COL20A1: variants seen among roughly 807,000 people sequenced by gnomAD.
COL20A1 encodes collagen alpha-1(XX) chain.
In COL20A1, 164 loss-of-function variants were observed where a neutral mutation model predicts 152.9. The ratio of observed to expected loss-of-function variants is 1.07; its 90% confidence interval spans 0.94 to 1.22. The LOEUF is 1.22. Ranked by LOEUF, COL20A1 falls within the 50% of genes most tolerant of loss-of-function variation. COL20A1 has a pLI of 0.00. For synonymous variants in COL20A1, 864 were observed against 756.0 expected, an observed-to-expected ratio of 1.14 and a Z score of -2.34; for missense variants, 1,873 against 1,744.8, an observed-to-expected ratio of 1.07 and a Z score of -1.31.
chr20:63,319,658 C>T lies in COL20A1; in HGVS notation c.2916+62C>T. 8.4e-7 allele frequency: 1 copy of T among 1,195,698 alleles called. No individual in the cohort carries two copies. The allele number at this position is 1,195,698 out of a possible 1,614,324, so 74.1% of individuals were successfully genotyped here. ...CCAGCTCTGGGGCAGCCCAGCCCCA[C>T]AGGGACCTGCCGGATGCCAACTCCT... On this transcript the variant is annotated intron_variant, in intron 23 of 35. Transcript: ENST00000358894. The surrounding 1 kb of genome is among the most constrained non-coding windows in gnomAD (Gnocchi z 4.4).
chr20:63,306,697 G>A lies in COL20A1; in HGVS notation c.496+658G>A, dbSNP rs766758956. On this transcript the variant is annotated intron_variant, in intron 5 of 35. Coordinates refer to ENST00000358894, the MANE Select transcript of COL20A1 (RefSeq NM_020882.4). The surrounding 1 kb of genome is among the most constrained non-coding windows in gnomAD (Gnocchi z 6.9). ...CACTGTGTCTGCCCATAAGGCCCCC[G>A]TAGGCAGGGCTGGGCTTCCCCATAG... 3.3e-5 allele frequency among the ~76,000 whole-genome samples: 5 copies of A among 152,204 alleles called. No individual in the cohort carries two copies. Among genetic ancestry groups the A allele is most frequent in the African/African-American group, 7.2e-5 (3 of 41,462 alleles).
Position 63,331,448 on chromosome 20 carries a change from GC to G in COL20A1, c.*736del. ...ATTGCTTTGAGACTTGGCACCATCAGCCCCTGGTCCTTAGGGTCTCAGAGCA... is the reference window on the plus strand; with the variant it reads ...ATTGCTTTGAGACTTGGCACCATCAGCCCTGGTCCTTAGGGTCTCAGAGCA... On this transcript the variant is annotated 3_prime_UTR_variant, in exon 36 of 36. Coordinates refer to ENST00000358894, the MANE Select transcript of COL20A1 (RefSeq NM_020882.4). 6.6e-6 allele frequency: 1 copy of G among 152,478 alleles called. No individual in the cohort carries two copies. The highest frequency in any genetic ancestry group is 1.5e-5 in the Non-Finnish European group (1 of 68,112). 9.4% of individuals were successfully genotyped at this position (152,478 alleles called of 1,614,324 possible).
intron 3 of COL20A1, among the ~76,000 whole-genome samples, chr20:63,300,654 T>C (rs1271471004): frequency 6.6e-6 from 1 of 152,224 alleles, no homozygotes; most frequent in Non-Finnish European, 1.5e-5. Flanking sequence ...GGTTGGTCTG[T>C]CGTTGATTTT....
Position 63,297,930 on chromosome 20 carries a change from G to A in COL20A1, c.103G>A (p.Ala35Thr). ...QVQASGLLRL[A>T]VLPEDRLQMK... Reference sequence around the variant, plus strand: ...TGTAGCAAGCGGTCTCCTGAGGCTGGCTGTGCTGCCTGAGGACCGGCTGCA... The same window carrying A: ...TGTAGCAAGCGGTCTCCTGAGGCTGACTGTGCTGCCTGAGGACCGGCTGCA... The change falls in exon 3 of 36, where the codon GCT becomes ACT. Residue 35 changes from alanine (A) to threonine (T), a missense_variant. Transcript: ENST00000358894. 1 of 1,613,388 alleles carries A rather than the reference G, an allele frequency of 6.2e-7. No homozygotes were observed. Among genetic ancestry groups the A allele is most frequent in the Non-Finnish European group, 8.5e-7 (1 of 1,179,824 alleles).
chr20:63,318,116 C>T (rs537196404), intron 21 of COL20A1, among the ~76,000 whole-genome samples: 2 of 152,344 alleles, frequency 1.3e-5, no homozygotes, highest in Admixed American at 6.5e-5. Context: ...TGAGCAGGCA[C>T]TTCCCATGCC....
Position 63,308,547 on chromosome 20 carries a change from G to T in COL20A1, c.781G>T (p.Ala261Ser), listed in dbSNP as rs1438522072. The T allele has an allele frequency of 1.9e-6, 3 of 1,597,488 alleles. No homozygotes were observed. The highest frequency in any genetic ancestry group is 2.6e-6 in the Non-Finnish European group (3 of 1,172,586). Residue 261 changes from alanine (A) to serine (S), a missense_variant, in exon 8 of 36, where the codon GCC becomes TCC. Transcript: ENST00000358894. ...YKGGNTFTGL[A>S]LTHVLGQNLQ... Reference sequence around the variant, plus strand: ...TTATTCCTGCTGCTCCCAAGGCCTTGCCCTGACCCACGTGCTGGGGCAGAA... The same window carrying T: ...TTATTCCTGCTGCTCCCAAGGCCTTTCCCTGACCCACGTGCTGGGGCAGAA...
intron 30 of COL20A1, 124 bp from the exon 31 acceptor site, chr20:63,326,628 G>T (rs2068253654): frequency 6.6e-6 from 4 of 605,788 alleles, no homozygotes; most frequent in Non-Finnish European, 1.1e-5. Flanking sequence ...GGAGGCTGGG[G>T]CCAGCCAGGC....
At chr20:63,329,296 C>T in intron 34 of COL20A1, 1 of 449,762 alleles carries the variant, frequency 2.2e-6, no homozygotes, top group Non-Finnish European at 4.0e-6. Context: ...ATAAACGGCC[C>T]CCTCTGCACC....
rs750608536 is a variant in COL20A1, at chr20:63,310,405, T to A, written c.1288T>A (p.Ser430Thr). The A allele has an allele frequency of 2.5e-6, 4 of 1,610,920 alleles. No homozygotes were observed. The highest frequency in any genetic ancestry group is 1.7e-5 in the Admixed American group (1 of 59,860). The part of the protein sequence containing the change: ...REVVVEGPAA[S>T]TELHNLASRT... ...GGTGGTGGTGGAGGGACCCGCCGCC[T>A]CCACGGAGCTGCACAACCTGGCCTC... Residue 430 changes from serine (S) to threonine (T), a missense_variant, in exon 11 of 36, where the codon TCC (serine) becomes ACC (threonine). Transcript: ENST00000358894.
intron 26 of COL20A1, among the ~76,000 whole-genome samples, 197 bp from the exon 27 acceptor site, chr20:63,321,857 CCTGA>C (rs142590852): frequency 0.047 from 7,177 of 152,162 alleles, 579 homozygotes; most frequent in African/African-American, 0.16. Context: ...CCCAGAACTG[CCTGA>C]CTATGAGAGG....
chr20:63,311,638 G>C lies in COL20A1; in HGVS notation c.1553G>C (p.Arg518Pro). 1 of 1,610,036 alleles carries C rather than the reference G, an allele frequency of 6.2e-7. No homozygotes were observed. Among genetic ancestry groups the C allele is most frequent in the Non-Finnish European group, 8.5e-7 (1 of 1,179,636 alleles). ...EEEEREVQVG[R>P]PEVLLDGLEP... ...ATGTCTCTGCAGGTGCAGGTCGGGC[G>C]GCCCGAGGTGCTGCTGGATGGCCTG... Residue 518 changes from arginine to proline, a missense_variant, in exon 13 of 36, where the codon CGG becomes CCG. By Grantham distance (103) the Arg-to-Pro change is moderately radical. Coordinates refer to ENST00000358894, the MANE Select transcript of COL20A1 (RefSeq NM_020882.4). This position sits in a 1 kb window ranked among gnomAD's most constrained non-coding sequence, Gnocchi z 4.4.
chr20:63,317,337 G>C (rs2068097205), intron 21 of COL20A1, among the ~76,000 whole-genome samples: 1 of 151,866 alleles, frequency 6.6e-6, no homozygotes, highest in Non-Finnish European at 1.5e-5. Context: ...GCGGTGGCAG[G>C]CACCTGTATT....
rs2067931866 is a variant in COL20A1 at position 63,306,834 on chromosome 20, C to T, written c.497-656C>T. The stretch of plus-strand genomic sequence containing the variant: ...AGGAAGTGTTCTCCTCAGACTTGGG[C>T]ATATCCCCTCCAGAGGGTCCTCGGG... On this transcript the variant is annotated intron_variant, in intron 5 of 35. Transcript: ENST00000358894. The surrounding 1 kb of genome is among the most constrained non-coding windows in gnomAD (Gnocchi z 6.9). Among the ~76,000 whole-genome samples the T allele has an allele frequency of 6.6e-6, 1 of 152,224 alleles. No homozygotes were observed.
In COL20A1 at chr20:63,295,231, C is replaced by T. The variant is rs921951250; in HGVS notation, c.82+42C>T. On this transcript the variant is annotated intron_variant, in intron 2 of 35. Transcript: ENST00000358894. Reference sequence around the variant, plus strand: ...TGGGCCCCTGCTTGCCCCGAGGCCACGCCTGCCCCACCAGTGCCCACGCGG... The same window carrying T: ...TGGGCCCCTGCTTGCCCCGAGGCCATGCCTGCCCCACCAGTGCCCACGCGG... The T allele has an allele frequency of 1.2e-5, 17 of 1,388,514 alleles. No individual in the cohort carries two copies. The Admixed American group carries it at 1.4e-4, about 12-fold the overall frequency. 86.0% of individuals were successfully genotyped at this position (1,388,514 alleles called of 1,614,324 possible).
chr20:63,299,453 G>C (rs932415787), intron 3 of COL20A1, among the ~76,000 whole-genome samples: 3 of 152,148 alleles, frequency 2.0e-5, no homozygotes, highest in Admixed American at 6.5e-5. Context: ...GTTTCTTTGT[G>C]GAGCTGTAAT....
chr20:63,319,734 C>G lies in COL20A1; in HGVS notation c.2916+138C>G, dbSNP rs1237177431. The G allele has an allele frequency of 7.8e-6, 5 of 637,118 alleles. No homozygotes were observed. Among genetic ancestry groups the G allele is most frequent in the Non-Finnish European group, 1.4e-5 (5 of 365,088 alleles). The allele number at this position is 637,118 out of a possible 1,614,324, so 39.5% of individuals were successfully genotyped here. A position where few individuals can be genotyped will look rare whatever the true frequency, so the allele number is the denominator to read the frequency against. ...TGGGAGGGAACATTGACCTGGGGCT[C>G]TGTTCCTCTACCCCAGCTCTTCCAT... On this transcript the variant is annotated intron_variant, in intron 23 of 35. Transcript: ENST00000358894. This position sits in a 1 kb window ranked among gnomAD's most constrained non-coding sequence, Gnocchi z 4.4.
At chr20:63,316,520 C>A in intron 20 of COL20A1, 33 bp from the exon 21 acceptor site, 1 of 1,568,052 alleles carries the variant, frequency 6.4e-7, no homozygotes. Flanking sequence ...TCTGAGGGTC[C>A]CTCGGTGCCC....
Position 63,311,549 on chromosome 20 carries a change from G to GC in COL20A1, c.1539+12dup. 3 of 1,601,426 alleles carry GC rather than the reference G, an allele frequency of 1.9e-6. No individual in the cohort carries two copies. Among genetic ancestry groups the GC allele is most frequent in the Non-Finnish European group, 2.6e-6 (3 of 1,174,864 alleles). Reference sequence around the variant, plus strand: ...AGAGGAGGAGCGAGAGGTGAGCTGGGCCGGGGGGTGGCGGGGGAGGCAGAG... The same window carrying GC: ...AGAGGAGGAGCGAGAGGTGAGCTGGGCCCGGGGGGTGGCGGGGGAGGCAGAG... On this transcript the variant is annotated intron_variant, in intron 12 of 35. Coordinates refer to ENST00000358894, the MANE Select transcript of COL20A1 (RefSeq NM_020882.4). This position sits in a 1 kb window ranked among gnomAD's most constrained non-coding sequence, Gnocchi z 4.4.
chr20:63,313,088 G>A lies in COL20A1; in HGVS notation c.2077-29G>A, dbSNP rs139806161. ...CCAACCTGAGGACCCCACTGCACCC[G>A]GTGACCCCTGGGGCTCTCCTCTCCC... On this transcript the variant is annotated intron_variant, in intron 16 of 35. Coordinates refer to ENST00000358894, the MANE Select transcript of COL20A1 (RefSeq NM_020882.4). This position sits in a 1 kb window ranked among gnomAD's most constrained non-coding sequence, Gnocchi z 5.9. 796 of 1,592,984 alleles carry A rather than the reference G, an allele frequency of 5.0e-4. 3 individuals are homozygous for A. The African/African-American group carries it at 5.5e-3, about 11-fold the overall frequency.
Sources: allele counts gnomAD v4.1 joint callset (sites outside exome capture counted in the v4.1 genomes callset), GRCh38; gene constraint gnomAD v4.1.1; non-coding constraint Gnocchi (gnomAD v3.1); transcripts MANE v1.5; gene names NCBI Gene and HGNC (gene_info 2026-07-23, HGNC 2026-07-21).